RBFOX1: variants seen among roughly 807,000 people sequenced by gnomAD.
RBFOX1 encodes the protein RNA binding fox-1 homolog 1, also known as RNA binding protein fox-1 homolog 1.
Under a neutral mutation model 57.7 loss-of-function variants are expected in RBFOX1, and 8 were observed. The observed-to-expected ratio is 0.14, with a 90% CI of 0.08 to 0.25. The LOEUF (loss-of-function observed/expected upper bound fraction) is 0.25, where lower values mean the gene tolerates loss of function less well. Among genes scored for constraint, RBFOX1 ranks in the 10% least tolerant of loss-of-function variants. RBFOX1 has a pLI of 1.00. For missense variants in RBFOX1, 611 were observed against 548.5 expected, an observed-to-expected ratio of 1.11 and a Z score of -1.14; for synonymous variants, 326 against 222.4, an observed-to-expected ratio of 1.47 and a Z score of -4.15.
At chr16:7,053,008 C>A (rs1158083608) in intron 4 of RBFOX1, among the ~76,000 whole-genome samples, 1 of 152,180 alleles carries the variant, frequency 6.6e-6, no homozygotes, top group African/African-American at 2.4e-5. Context: ...TAGGAAACTC[C>A]TGTGCCCAAA....
intron 4 of RBFOX1, among the ~76,000 whole-genome samples, chr16:7,515,101 T>C (rs2076068501): frequency 6.6e-6 from 1 of 152,162 alleles, no homozygotes; most frequent in South Asian, 2.1e-4. Flanking sequence ...TCTGGCACAG[T>C]GAATTTCTCA....
At chr16:6,179,442 C>T (rs1023452057) in intron 1 of RBFOX1, among the ~76,000 whole-genome samples, 4 of 152,124 alleles carry the variant, frequency 2.6e-5, no homozygotes, top group Admixed American at 6.5e-5. Flanking sequence ...TACTGGAGAC[C>T]TGACCCCATG....
intron 3 of RBFOX1, among the ~76,000 whole-genome samples, chr16:6,845,970 G>T (rs1301045847): frequency 6.6e-6 from 1 of 152,166 alleles, no homozygotes; most frequent in African/African-American, 2.4e-5. Context: ...AGGTGTTACT[G>T]ATAAAATAAT....
intron 4 of RBFOX1, among the ~76,000 whole-genome samples, chr16:7,236,104 A>G (rs914212590): frequency 1.3e-5 from 2 of 152,196 alleles, no homozygotes; most frequent in Non-Finnish European, 2.9e-5. Context: ...TCAACATTTC[A>G]GAAATTAGAG....
intron 4 of RBFOX1, among the ~76,000 whole-genome samples, chr16:7,147,317 T>A (rs899060004): frequency 2.0e-5 from 3 of 151,734 alleles, no homozygotes; most frequent in African/African-American, 7.3e-5. Context: ...ATTTTTAATT[T>A]TTTTTTCAAC....
intron 3 of RBFOX1, among the ~76,000 whole-genome samples, chr16:6,999,225 A>ATTTTTTTTTTTTT (rs200620958): frequency 6.5e-5 from 8 of 122,950 alleles, no homozygotes; most frequent in Admixed American, 1.7e-4. Flanking sequence ...TATTTTTTTT[A>ATTTTTTTTTTTTT]TTTATTTTTT....
intron 4 of RBFOX1, among the ~76,000 whole-genome samples, chr16:7,466,874 T>C (rs13337647): frequency 0.034 from 5,200 of 152,220 alleles, 296 homozygotes; most frequent in African/African-American, 0.12. Flanking sequence ...GAGACCAAAA[T>C]GGTAGAATGA....
At chr16:6,988,737 TTTTTTGTTTG>T (rs1568245744) in intron 3 of RBFOX1, among the ~76,000 whole-genome samples, 5 of 68,264 alleles carry the variant, frequency 7.3e-5, no homozygotes, top group Admixed American at 1.2e-4. Flanking sequence ...GCTAATTTTT[TTTTTTGTTTG>T]TTTGTTTTTT....
chr16:6,483,380 C>G, intron 2 of RBFOX1: 5 of 1,522,666 alleles, frequency 3.3e-6, no homozygotes, highest in Non-Finnish European at 4.4e-6. Flanking sequence ...GCGCGGCGCG[C>G]ACGACAGATG....
chr16:6,555,240 A>G (rs1461560479), intron 2 of RBFOX1, among the ~76,000 whole-genome samples: 2 of 152,186 alleles, frequency 1.3e-5, no homozygotes, highest in Non-Finnish European at 2.9e-5. Context: ...ATCCAAGTAT[A>G]CAAAGCCTGT....
At chr16:6,893,968 G>A (rs760373158) in intron 3 of RBFOX1, among the ~76,000 whole-genome samples, 2 of 152,114 alleles carry the variant, frequency 1.3e-5, no homozygotes, top group Non-Finnish European at 2.9e-5. Flanking sequence ...CAAGTGCTAT[G>A]ATGTCTTCTA....
intron 4 of RBFOX1, among the ~76,000 whole-genome samples, chr16:7,313,153 T>A (rs1434070765): frequency 1.3e-5 from 2 of 152,196 alleles, no homozygotes; most frequent in African/African-American, 2.4e-5. Context: ...CAAAAGCGCC[T>A]CCTGAAAGTG....
At chr16:6,990,172 G>A (rs1396634084) in intron 3 of RBFOX1, among the ~76,000 whole-genome samples, 3 of 152,160 alleles carry the variant, frequency 2.0e-5, no homozygotes, top group African/African-American at 4.8e-5. Flanking sequence ...AGTATGTGTT[G>A]AAGAAATGAA....
At chr16:6,730,662 A>G (rs2068336109) in intron 3 of RBFOX1, among the ~76,000 whole-genome samples, 1 of 152,208 alleles carries the variant, frequency 6.6e-6, no homozygotes, top group Non-Finnish European at 1.5e-5. Flanking sequence ...ATCTTCAATC[A>G]TGGTGAAATA....
chr16:7,095,075 A>G (rs1284928171), intron 4 of RBFOX1, among the ~76,000 whole-genome samples: 1 of 152,054 alleles, frequency 6.6e-6, no homozygotes, highest in Admixed American at 6.6e-5. Context: ...TGATGATATT[A>G]GTAATTTGTT....
intron 2 of RBFOX1, among the ~76,000 whole-genome samples, chr16:6,419,270 C>T (rs190776132): frequency 7.2e-5 from 11 of 152,224 alleles, no homozygotes; most frequent in Admixed American, 4.6e-4. Flanking sequence ...GCTGTGGTAT[C>T]GTATTGCAGA....
intron 2 of RBFOX1, among the ~76,000 whole-genome samples, chr16:6,394,713 T>C (rs1272861177): frequency 6.6e-6 from 1 of 151,874 alleles, no homozygotes; most frequent in Non-Finnish European, 1.5e-5. Context: ...TGTGTAAGTA[T>C]GTATATACTC....
chr16:6,254,324 A>T (rs1419540348), intron 1 of RBFOX1, among the ~76,000 whole-genome samples: 1 of 152,192 alleles, frequency 6.6e-6, no homozygotes, highest in Non-Finnish European at 1.5e-5. Flanking sequence ...ATAAATATCT[A>T]TCTACATAAG....
chr16:6,202,195 G>A (rs978725455), intron 1 of RBFOX1, among the ~76,000 whole-genome samples: 1 of 152,124 alleles, frequency 6.6e-6, no homozygotes, highest in Non-Finnish European at 1.5e-5. Flanking sequence ...GGATGTTTTT[G>A]CTTTACACAT....
Sources: allele counts gnomAD v4.1 joint callset (sites outside exome capture counted in the v4.1 genomes callset), GRCh38; gene constraint gnomAD v4.1.1; transcripts MANE v1.5; gene names NCBI Gene and HGNC (gene_info 2026-07-23, HGNC 2026-07-21).